Variants in NTRK3 observed in about 807,000 individuals in gnomAD.
The protein encoded by NTRK3 is NT-3 growth factor receptor.
In NTRK3, 24 loss-of-function variants were observed where a neutral mutation model predicts 91.7. The observed-to-expected ratio is 0.26, with a 90% CI of 0.19 to 0.37. The LOEUF is 0.37. Among genes scored for constraint, NTRK3 ranks in the 10% least tolerant of loss-of-function variants. The pLI is 1.00. For missense variants in NTRK3, 880 were observed against 1,068.9 expected, an observed-to-expected ratio of 0.82 and a Z score of 2.46; for synonymous variants, 483 against 404.0, an observed-to-expected ratio of 1.20 and a Z score of -2.34.
intron 3 of NTRK3, among the ~76,000 whole-genome samples, chr15:88,219,689 G>T (rs548610504): frequency 6.6e-6 from 1 of 152,360 alleles, no homozygotes; most frequent in South Asian, 2.1e-4. Flanking sequence ...TGGGTGACTT[G>T]TCCAGGCTTC....
exon 19 of NTRK3, chr15:87,861,239 G>A (rs1293620149): frequency 9.1e-6 from 2 of 218,672 alleles, no homozygotes; most frequent in East Asian, 1.3e-4. Flanking sequence ...AGGGAGGGGG[G>A]ATGGAAATCA....
intron 14 of NTRK3, among the ~76,000 whole-genome samples, chr15:87,981,935 C>G (rs2074315490): frequency 6.6e-6 from 1 of 152,178 alleles, no homozygotes; most frequent in African/African-American, 2.4e-5. Context: ...ATTGGAAAAA[C>G]AAAAGCTGTT....
At chr15:87,998,680 A>T (rs908848612) in intron 14 of NTRK3, among the ~76,000 whole-genome samples, 2 of 152,228 alleles carry the variant, frequency 1.3e-5, no homozygotes, top group African/African-American at 4.8e-5. Context: ...CTGGATGGCC[A>T]GAAACAGCAA....
At chr15:87,866,484 C>T (rs2064682236) in exon 19 of NTRK3, 1 of 166,882 alleles carries the variant, frequency 6.0e-6, no homozygotes, top group Non-Finnish European at 1.3e-5. Flanking sequence ...ATATATATCC[C>T]ATATAATAAT....
chr15:87,888,800 A>G (rs917834304), intron 17 of NTRK3, among the ~76,000 whole-genome samples: 2 of 152,094 alleles, frequency 1.3e-5, no homozygotes, highest in Non-Finnish European at 2.9e-5. Flanking sequence ...ATTCAAATTT[A>G]GCAAGGTGTC....
intron 13 of NTRK3, among the ~76,000 whole-genome samples, chr15:88,057,168 C>CA (rs547432747): frequency 7.5e-3 from 440 of 58,976 alleles, no homozygotes; most frequent in South Asian, 0.019. Context: ...AACTCCGTCT[C>CA]AAAAAAAAAA....
intron 17 of NTRK3, among the ~76,000 whole-genome samples, chr15:87,907,328 C>A (rs2066830128): frequency 6.6e-6 from 1 of 152,116 alleles, no homozygotes; most frequent in African/African-American, 2.4e-5. Flanking sequence ...CCTAGCTATA[C>A]ACACTTGTTA....
chr15:88,151,536 T>C (rs2043376506), intron 5 of NTRK3, among the ~76,000 whole-genome samples: 1 of 152,174 alleles, frequency 6.6e-6, no homozygotes, highest in Non-Finnish European at 1.5e-5. Context: ...ATGGCAGGAA[T>C]AGAGCCCACA....
intron 14 of NTRK3, chr15:87,981,207 G>A (rs878866615): frequency 6.4e-6 from 10 of 1,560,914 alleles, no homozygotes; most frequent in South Asian, 5.9e-5. Flanking sequence ...ATACAAAGAC[G>A]TCAAAGGAGG....
chr15:87,869,594 G>A (rs1369416), exon 19 of NTRK3: 97,857 of 211,660 alleles, frequency 0.46, 25,055 homozygotes, highest in East Asian at 0.6. Flanking sequence ...TAAGACTTTC[G>A]TGGAGTTTGA....
chr15:88,051,802 T>G (rs1425406333), intron 13 of NTRK3, among the ~76,000 whole-genome samples: 3 of 152,248 alleles, frequency 2.0e-5, no homozygotes, highest in Non-Finnish European at 1.5e-5. Context: ...CCATGATAAT[T>G]ACTGATTTAA....
chr15:88,246,713 G>A (rs1346208965), intron 3 of NTRK3, among the ~76,000 whole-genome samples: 2 of 152,144 alleles, frequency 1.3e-5, no homozygotes, highest in African/African-American at 4.8e-5. Flanking sequence ...CAATGCACTC[G>A]CCCAGCCACC....
At chr15:88,159,889 T>C (rs949145759) in intron 5 of NTRK3, among the ~76,000 whole-genome samples, 11 of 147,394 alleles carry the variant, frequency 7.5e-5, no homozygotes, top group African/African-American at 2.5e-4. Flanking sequence ...CTACACCTGC[T>C]TCCTGCACTC....
chr15:87,981,312 T>C (rs754318135), intron 14 of NTRK3: 82 of 1,601,526 alleles, frequency 5.1e-5, no homozygotes, highest in Non-Finnish European at 6.9e-5. Context: ...ATGATCTCTA[T>C]TGTCCTTCAA....
intron 13 of NTRK3, among the ~76,000 whole-genome samples, chr15:88,039,759 G>A (rs1260407361): frequency 1.3e-5 from 2 of 152,156 alleles, no homozygotes; most frequent in African/African-American, 2.4e-5. Flanking sequence ...GTTTTGCCAC[G>A]ACAATACATT....
At chr15:87,871,868 GC>G (rs2064834702) in exon 19 of NTRK3, 2 of 221,730 alleles carry the variant, frequency 9.0e-6, no homozygotes, top group Admixed American at 5.8e-5. Flanking sequence ...GTATTATTAA[GC>G]AACACCAAAA....
At position 88,156,472 on chromosome 15, in the gene NTRK3, G is replaced by A. The variant is rs569368413; in HGVS notation, c.396-9069C>T. Among the ~76,000 whole-genome samples the A allele has an allele frequency of 4.7e-5, 7 of 150,362 alleles. 1 individual carries two copies. The highest frequency in any genetic ancestry group is 4.0e-4 in the Admixed American group (6 of 15,052). ...ACCCACCTCCTTCCCCCATCCTTCAGCCCCTCCCCCTAGCTAACCCTAAAA... is the reference window on the plus strand; with the variant it reads ...ACCCACCTCCTTCCCCCATCCTTCAACCCCTCCCCCTAGCTAACCCTAAAA... On this transcript the variant is annotated intron_variant, in intron 5 of 18. Transcript: ENST00000394480.
intron 3 of NTRK3, among the ~76,000 whole-genome samples, chr15:88,206,532 C>T (rs1378776036): frequency 1.3e-5 from 2 of 151,198 alleles, no homozygotes; most frequent in African/African-American, 4.9e-5. Flanking sequence ...GTGGCGGGCG[C>T]CTGTAGTCCC....
intron 13 of NTRK3, among the ~76,000 whole-genome samples, chr15:88,082,227 G>A (rs1299974104): frequency 2.0e-5 from 3 of 150,082 alleles, no homozygotes; most frequent in South Asian, 2.1e-4. Context: ...GCAGTGAGCC[G>A]AGATCGTGCC....
Sources: gnomAD v4.1 joint callset for allele counts (sites outside exome capture counted in the v4.1 genomes callset) on GRCh38, gnomAD v4.1.1 for gene constraint, MANE v1.5 for transcripts, NCBI Gene and HGNC (gene_info 2026-07-23, HGNC 2026-07-21) for gene names.